The following GRHL2 variants were observed in gnomAD, a reference collection of about 807,000 sequenced individuals.
The protein encoded by GRHL2 is grainyhead-like protein 2 homolog.
Under a neutral mutation model 83.8 loss-of-function variants are expected in GRHL2, and 21 were observed. The observed-to-expected ratio is 0.25, with a 90% confidence interval of 0.18 to 0.36. The LOEUF is 0.36. Ranked by LOEUF, GRHL2 falls within the 10% of genes least tolerant of loss-of-function variation. The pLI, the probability that GRHL2 is intolerant of heterozygous loss-of-function variation, is 1.00. For synonymous variants in GRHL2, 280 were observed against 278.9 expected (o/e 1.00, Z -0.04); for missense variants, 623 against 781.8 (o/e 0.80, Z 2.42).
chr8:101,673,267 T>A (rs1452018595), downstream of GRHL2, among the ~76,000 whole-genome samples: 2 of 151,018 alleles, frequency 1.3e-5, no homozygotes, highest in Non-Finnish European at 2.9e-5. Flanking sequence ...GCAAATTGGA[T>A]AGAGTCAAGA....
chr8:101,639,486 T>C (rs1000137697), intron 12 of GRHL2, among the ~76,000 whole-genome samples: 2 of 152,222 alleles, frequency 1.3e-5, no homozygotes, highest in African/African-American at 4.8e-5. Context: ...AGGAGACTTG[T>C]TCAAAGACAC....
intron 1 of GRHL2, among the ~76,000 whole-genome samples, chr8:101,502,252 T>C (rs1810244957): frequency 6.6e-6 from 1 of 152,232 alleles, no homozygotes. Context: ...AATTACCTGC[T>C]CCTATATTCT....
At chr8:101,647,987 C>A (rs1489238394) in intron 13 of GRHL2, among the ~76,000 whole-genome samples, 2 of 152,062 alleles carry the variant, frequency 1.3e-5, no homozygotes. Flanking sequence ...GTCGCTGGTA[C>A]CCAGAGTTGG....
rs550681612 is a variant in GRHL2, at chr8:101,669,159, C to T, written c.*2456C>T. 1.3e-5 allele frequency: 2 copies of T among 151,942 alleles called. No homozygotes were observed. The highest frequency in any genetic ancestry group is 4.8e-5 in the African/African-American group (2 of 41,462). The allele number at this position is 151,942 out of a possible 1,614,324, so 9.4% of individuals were successfully genotyped here. On this transcript the variant is annotated 3_prime_UTR_variant, in exon 16 of 16. Coordinates refer to ENST00000646743, the MANE Select transcript of GRHL2 (RefSeq NM_024915.4). ...GAAACACTCCAAAGAGATAGGAAAA[C>T]TTGCCGCCTCTTCTTTTTTGTCCCT...
intron 9 of GRHL2, among the ~76,000 whole-genome samples, chr8:101,624,931 G>A (rs577541582): frequency 4.7e-4 from 71 of 152,140 alleles, no homozygotes; most frequent in Non-Finnish European, 7.5e-4. Context: ...ATAAAATACC[G>A]AAATGACAAC....
intron 1 of GRHL2, among the ~76,000 whole-genome samples, chr8:101,521,562 C>T (rs886896551): frequency 1.3e-5 from 2 of 152,288 alleles, no homozygotes; most frequent in Admixed American, 1.3e-4. Context: ...AGGGCAGAGA[C>T]TGGGTCTGTC....
chr8:101,614,896 C>CTG (rs1206205650), intron 8 of GRHL2, among the ~76,000 whole-genome samples: 2 of 152,196 alleles, frequency 1.3e-5, no homozygotes, highest in Non-Finnish European at 2.9e-5. Flanking sequence ...GGTACTGAAA[C>CTG]TGTGCTTTGC....
chr8:101,585,945 G>T (rs76614944), intron 7 of GRHL2, among the ~76,000 whole-genome samples: 1,724 of 151,992 alleles, frequency 0.011, 43 homozygotes, highest in South Asian at 0.074. Context: ...TGGTCCTCGG[G>T]CTCCCTCTGG....
chr8:101,672,826 G>A (rs1388250516), downstream of GRHL2, among the ~76,000 whole-genome samples: 2 of 151,764 alleles, frequency 1.3e-5, no homozygotes, highest in African/African-American at 4.9e-5. Context: ...ACCCTCAAAG[G>A]GAAGCCCATC....
At chr8:101,605,306 T>C (rs924813912) in intron 8 of GRHL2, among the ~76,000 whole-genome samples, 7 of 152,118 alleles carry the variant, frequency 4.6e-5, no homozygotes, top group African/African-American at 1.7e-4. Flanking sequence ...TCTCAACATA[T>C]CAGGCCCTGC....
intron 8 of GRHL2, among the ~76,000 whole-genome samples, chr8:101,601,393 T>A (rs1812511934): frequency 6.6e-6 from 1 of 152,220 alleles, no homozygotes; most frequent in Non-Finnish European, 1.5e-5. Flanking sequence ...TACAGTTTAA[T>A]GATGGAAGCT....
At chr8:101,674,489 C>T (rs62517402), downstream of GRHL2, among the ~76,000 whole-genome samples, 1 of 151,976 alleles carries the variant, frequency 6.6e-6, no homozygotes, top group East Asian at 1.9e-4. Flanking sequence ...ACACATACAC[C>T]CTCCCAAGAC....
rs575083073 is a variant in GRHL2, at chr8:101,652,618, G to C, written c.1698+3119G>C. Among the ~76,000 whole-genome samples the C allele has an allele frequency of 4.7e-4, 63 of 134,360 alleles. 2 individuals carry two copies. The highest frequency in any genetic ancestry group is 1.4e-3 in the African/African-American group (46 of 34,034). The allele number at this position is 134,360 out of a possible 152,430, so 88.1% of individuals were successfully genotyped here. On this transcript the variant is annotated intron_variant, in intron 14 of 15. Transcript: ENST00000646743. The stretch of plus-strand genomic sequence containing the variant: ...TGTGTGTGGTGTGTGTGTGTGGTGT[G>C]TGTGTGTGTGTACTATACAGACAGT...
the GRHL2 span, among the ~76,000 whole-genome samples, chr8:101,677,261 G>C: frequency 6.6e-6 from 1 of 151,802 alleles, no homozygotes; most frequent in African/African-American, 2.4e-5. Context: ...AACATCACCT[G>C]CTTGATCCCT....
intron 1 of GRHL2, among the ~76,000 whole-genome samples, chr8:101,522,095 A>AT (rs1026842879): frequency 1.3e-5 from 2 of 152,106 alleles, no homozygotes; most frequent in South Asian, 4.2e-4. Context: ...AGCACTAAAG[A>AT]TTTTTTTTAA....
Position 101,669,603 on chromosome 8 carries a change from G to C in GRHL2, c.*2900G>C, listed in dbSNP as rs1161973973. 6.6e-6 allele frequency: 1 copy of C among 151,312 alleles called. No individual in the cohort carries two copies. The highest frequency in any genetic ancestry group is 2.0e-4 in the East Asian group (1 of 5,082). 9.4% of individuals were successfully genotyped at this position (151,312 alleles called of 1,614,324 possible). A position where few individuals can be genotyped will look rare whatever the true frequency, so the allele number is the denominator to read the frequency against. ...TGCTCTCATGTTTTAAAAAAAAAAA[G>C]GTAAATGTAACTTAATAGTTTTGTA... On this transcript the variant is annotated 3_prime_UTR_variant, in exon 16 of 16. Transcript: ENST00000646743.
chr8:101,620,872 A>C (rs185055132), intron 9 of GRHL2, among the ~76,000 whole-genome samples: 1 of 152,156 alleles, frequency 6.6e-6, no homozygotes, highest in East Asian at 1.9e-4. Flanking sequence ...TTTAGGCTCT[A>C]TGAATTCTGA....
chr8:101,671,957 C>A (rs1476907983), downstream of GRHL2, among the ~76,000 whole-genome samples: 1 of 152,156 alleles, frequency 6.6e-6, no homozygotes, highest in Admixed American at 6.5e-5. Flanking sequence ...CTGGAGTGGA[C>A]TTCTAGCAAA....
chr8:101,659,295 T>C (rs1813867301), intron 14 of GRHL2, among the ~76,000 whole-genome samples: 1 of 152,236 alleles, frequency 6.6e-6, no homozygotes, highest in African/African-American at 2.4e-5. Context: ...TTACTTTGTG[T>C]TCATACTTGA....
Sources: allele counts gnomAD v4.1 joint callset (sites outside exome capture counted in the v4.1 genomes callset), GRCh38; gene constraint gnomAD v4.1.1; transcripts MANE v1.5; gene names NCBI Gene and HGNC (gene_info 2026-07-23, HGNC 2026-07-21).